PGM5: variants seen among roughly 807,000 people sequenced by gnomAD.
The protein encoded by PGM5 is phosphoglucomutase 5.
In PGM5, 23 loss-of-function variants were observed where a neutral mutation model predicts 59.2. The observed-to-expected ratio is 0.39, with a 90% confidence interval of 0.28 to 0.55. PGM5 has a LOEUF of 0.55. Ranked by LOEUF, PGM5 falls within the 20% of genes least tolerant of loss-of-function variation. PGM5 has a pLI of 0.66. For synonymous variants in PGM5, 214 were observed against 286.0 expected, an observed-to-expected ratio of 0.75 and a Z score of 2.54; for missense variants, 574 against 748.3, an observed-to-expected ratio of 0.77 and a Z score of 2.72.
chr9:68,511,942 C>A (rs1239517451), intron 10 of PGM5, among the ~76,000 whole-genome samples: 1 of 152,158 alleles, frequency 6.6e-6, no homozygotes, highest in African/African-American at 2.4e-5. Context: ...AAACCTAGGT[C>A]TTCTCTGAGA....
chr9:68,492,978 G>GTC (rs1824422443), intron 9 of PGM5, among the ~76,000 whole-genome samples: 1 of 152,188 alleles, frequency 6.6e-6, no homozygotes, highest in Non-Finnish European at 1.5e-5. Context: ...GGCTCGCAGA[G>GTC]TCTCTCTCTT....
intron 1 of PGM5, among the ~76,000 whole-genome samples, chr9:68,373,084 T>G (rs1821783406): frequency 6.7e-6 from 1 of 149,716 alleles, no homozygotes; most frequent in Non-Finnish European, 1.5e-5. Context: ...CAGGAATGGC[T>G]GGGGGAAAGC....
At chr9:68,492,031 C>T (rs782536710) in intron 9 of PGM5, among the ~76,000 whole-genome samples, 10 of 152,102 alleles carry the variant, frequency 6.6e-5, no homozygotes, top group African/African-American at 2.2e-4. Context: ...GTGTAGCAAG[C>T]GTGTAAGCAT....
At chr9:68,493,280 T>TA (rs34197184) in intron 9 of PGM5, among the ~76,000 whole-genome samples, 2 of 152,200 alleles carry the variant, frequency 1.3e-5, no homozygotes, top group African/African-American at 2.4e-5. Flanking sequence ...TTTTTAAAAT[T>TA]AAAAAAATAG....
intron 7 of PGM5, among the ~76,000 whole-genome samples, chr9:68,466,919 T>C (rs1823943945): frequency 6.6e-6 from 1 of 152,214 alleles, no homozygotes; most frequent in South Asian, 2.1e-4. Context: ...CAAGTTTTCC[T>C]ACCCTCTCCC....
intron 1 of PGM5, among the ~76,000 whole-genome samples, chr9:68,361,263 T>G (rs1354576750): frequency 6.6e-6 from 1 of 152,226 alleles, no homozygotes; most frequent in Admixed American, 6.5e-5. Flanking sequence ...AGCTCAAGAC[T>G]TTTTTTAACC....
intron 2 of PGM5, among the ~76,000 whole-genome samples, chr9:68,380,617 A>C (rs1234033359): frequency 7.9e-5 from 12 of 151,908 alleles, no homozygotes; most frequent in African/African-American, 2.9e-4. Context: ...AATAAAATGT[A>C]GTATAGAAAA....
At chr9:68,358,390 C>T (rs1834511527) in intron 1 of PGM5, among the ~76,000 whole-genome samples, 1 of 152,102 alleles carries the variant, frequency 6.6e-6, no homozygotes, top group African/African-American at 2.4e-5. Context: ...CCAGTTTCCT[C>T]TTTCCCAGGT....
chr9:68,360,750 GTATAT>G (rs782364214), intron 1 of PGM5, among the ~76,000 whole-genome samples: 26 of 152,118 alleles, frequency 1.7e-4, no homozygotes, highest in Admixed American at 3.9e-4. Flanking sequence ...GTGTTTGAAA[GTATAT>G]TAAAGAAAAT....
At chr9:68,464,624 G>A (rs1433052060) in intron 6 of PGM5, 1 of 152,560 alleles carries the variant, frequency 6.6e-6, no homozygotes, top group African/African-American at 2.4e-5. Context: ...ATCCTAAAAT[G>A]TCTAAAGTGT....
intron 10 of PGM5, among the ~76,000 whole-genome samples, chr9:68,502,705 T>G (rs1447890868): frequency 2.6e-5 from 4 of 151,088 alleles, no homozygotes; most frequent in African/African-American, 9.9e-5. Context: ...TTGTTTGTTT[T>G]TTGAGAGGAA....
chr9:68,439,824 A>T (rs965821731), intron 6 of PGM5, among the ~76,000 whole-genome samples: 3 of 151,978 alleles, frequency 2.0e-5, no homozygotes, highest in Admixed American at 2.0e-4. Flanking sequence ...AGGGAAGCTG[A>T]AAATTATCAG....
intron 2 of PGM5, among the ~76,000 whole-genome samples, chr9:68,382,346 C>T (rs1822099754): frequency 6.6e-6 from 1 of 151,646 alleles, no homozygotes; most frequent in South Asian, 2.1e-4. Context: ...CCTTATCTTA[C>T]ACTATACACA....
intron 8 of PGM5, among the ~76,000 whole-genome samples, chr9:68,482,598 A>T (rs1350357180): frequency 6.6e-6 from 1 of 152,214 alleles, no homozygotes; most frequent in African/African-American, 2.4e-5. Flanking sequence ...TCCTTCTTCC[A>T]GTTCACTCTG....
chr9:68,466,264 C>G, intron 7 of PGM5: 1 of 883,760 alleles, frequency 1.1e-6, no homozygotes, highest in Non-Finnish European at 1.4e-6. Context: ...TTCTCCGATA[C>G]TGTGTGTTTT....
intron 7 of PGM5, among the ~76,000 whole-genome samples, chr9:68,468,822 T>C (rs1554686054): frequency 6.6e-6 from 1 of 152,258 alleles, no homozygotes; most frequent in Non-Finnish European, 1.5e-5. Context: ...CCTATAGAGC[T>C]TTAAAATTGC....
intron 6 of PGM5, among the ~76,000 whole-genome samples, chr9:68,408,684 C>G (rs1368961765): frequency 6.6e-6 from 1 of 152,118 alleles, no homozygotes; most frequent in African/African-American, 2.4e-5. Context: ...CCTAGGTTTT[C>G]TTCTAGGGTT....
chr9:68,422,853 T>C (rs1196144967), intron 6 of PGM5, among the ~76,000 whole-genome samples: 1 of 152,142 alleles, frequency 6.6e-6, no homozygotes, highest in African/African-American at 2.4e-5. Context: ...ATGCTATTTG[T>C]AGTCTTCTGT....
intron 6 of PGM5, among the ~76,000 whole-genome samples, chr9:68,436,667 C>A: frequency 6.6e-6 from 1 of 152,232 alleles, no homozygotes; most frequent in Non-Finnish European, 1.5e-5. Flanking sequence ...TTGTACCAAC[C>A]ACTTCATCTC....
Sources: gnomAD v4.1 joint callset for allele counts (sites outside exome capture counted in the v4.1 genomes callset) on GRCh38, gnomAD v4.1.1 for gene constraint, MANE v1.5 for transcripts, NCBI Gene and HGNC (gene_info 2026-07-23, HGNC 2026-07-21) for gene names.